EPHX2: variants seen among roughly 807,000 people sequenced by gnomAD.
The protein encoded by EPHX2 is bifunctional epoxide hydrolase 2.
EPHX2 carries 74 observed loss-of-function variants against 78.7 expected under a neutral mutation model. The observed-to-expected ratio is 0.94, with a 90% CI of 0.78 to 1.14. EPHX2 has a LOEUF of 1.14. Ranked by LOEUF, EPHX2 falls within the 50% of genes most tolerant of loss-of-function variation. The pLI is 0.00. For missense variants in EPHX2, 715 were observed against 702.5 expected (o/e 1.02, Z -0.20); for synonymous variants, 251 against 255.2 (o/e 0.98, Z 0.16).
chr8:27,525,438 C>T lies in EPHX2; in HGVS notation c.1135C>T (p.Pro379Ser). Residue 379 changes from proline (P) to serine (S), a missense_variant, in exon 12 of 19, where the codon CCA becomes TCA. Coordinates refer to ENST00000521400, the MANE Select transcript of EPHX2 (RefSeq NM_001979.6). ...MSPLESIKAN[P>S]VFDYQLYFQE... Reference sequence around the variant, plus strand: ...CCCTTTGGAGAGTATCAAAGCCAACCCAGTATTTGATTACCAGCTCTACTT... The same window carrying T: ...CCCTTTGGAGAGTATCAAAGCCAACTCAGTATTTGATTACCAGCTCTACTT... 3 of 1,614,098 alleles carry T rather than the reference C, an allele frequency of 1.9e-6. No individual in the cohort carries two copies. The highest frequency in any genetic ancestry group is 2.5e-6 in the Non-Finnish European group (3 of 1,180,006).
intron 12 of EPHX2, among the ~76,000 whole-genome samples, chr8:27,535,962 A>G (rs963874727): frequency 2.0e-5 from 3 of 152,190 alleles, no homozygotes; most frequent in African/African-American, 7.2e-5. Flanking sequence ...TTTGCCAGAG[A>G]AGGAGCTCAG....
chr8:27,511,723 G>A, intron 5 of EPHX2, 113 bp from the exon 6 acceptor site: 1 of 1,091,358 alleles, frequency 9.2e-7, no homozygotes, highest in Non-Finnish European at 1.4e-6. Context: ...GGAGGGCTCA[G>A]GATGGAGTGG....
chr8:27,491,205 C>A lies in EPHX2; in HGVS notation c.-4C>A. 2 of 1,577,962 alleles carry A rather than the reference C, an allele frequency of 1.3e-6. No homozygotes were observed. The highest frequency in any genetic ancestry group is 1.7e-6 in the Non-Finnish European group (2 of 1,170,782). On this transcript the variant is annotated 5_prime_UTR_variant, in exon 1 of 19. Coordinates refer to ENST00000521400, the MANE Select transcript of EPHX2 (RefSeq NM_001979.6). ...TCCGGGTGCTAGGCTGCAGACCCGC[C>A]GCCATGACGCTGCGCGCGGCCGTCT...
chr8:27,494,810 C>T (rs1177702861), intron 1 of EPHX2, among the ~76,000 whole-genome samples: 2 of 152,204 alleles, frequency 1.3e-5, no homozygotes, highest in South Asian at 2.1e-4. Flanking sequence ...AAGTATTTTC[C>T]ACTGGCTGGC....
chr8:27,508,647 G>T (rs953009529), intron 5 of EPHX2, among the ~76,000 whole-genome samples: 3 of 152,176 alleles, frequency 2.0e-5, no homozygotes, highest in African/African-American at 4.8e-5. Context: ...ACTTCTCTTT[G>T]TCTCAGGGGT....
At chr8:27,504,564 C>T (rs921213681) in intron 3 of EPHX2, among the ~76,000 whole-genome samples, 2 of 152,204 alleles carry the variant, frequency 1.3e-5, no homozygotes, top group Non-Finnish European at 2.9e-5. Flanking sequence ...CCATGTGGCT[C>T]TGGGCAGCTC....
At chr8:27,521,674 G>T (rs1358818533) in intron 10 of EPHX2, among the ~76,000 whole-genome samples, 1 of 152,216 alleles carries the variant, frequency 6.6e-6, no homozygotes, top group Non-Finnish European at 1.5e-5. Context: ...GAACTTTTGT[G>T]TGTGATGGGG....
At chr8:27,505,173 G>A (rs1416223295) in intron 4 of EPHX2, 27 bp downstream of exon 4, 2 of 1,610,320 alleles carry the variant, frequency 1.2e-6, no homozygotes, top group East Asian at 2.2e-5. Flanking sequence ...TTATGGCAGA[G>A]AAGGATGTTC....
chr8:27,515,978 A>G (rs1814435504), intron 7 of EPHX2, among the ~76,000 whole-genome samples, 165 bp downstream of exon 7: 1 of 152,190 alleles, frequency 6.6e-6, no homozygotes, highest in South Asian at 2.1e-4. Flanking sequence ...CCTCAGGGCT[A>G]TGTTAGGCCA....
chr8:27,545,694 GC>G (rs1286369619), downstream of EPHX2: 1 of 152,236 alleles, frequency 6.6e-6, no homozygotes, highest in East Asian at 1.9e-4. Flanking sequence ...CTTTCTGCCT[GC>G]CCCCCTTGCA....
Position 27,543,794 on chromosome 8 carries a change from C to T in EPHX2, c.1495C>T (p.Leu499Phe). The T allele has an allele frequency of 6.2e-7, 1 of 1,614,144 alleles. No homozygotes were observed. Among genetic ancestry groups the T allele is most frequent in the Non-Finnish European group, 8.5e-7 (1 of 1,180,030 alleles). ...GGTCACGGCGGAGAAGGACTTCGTG[C>T]TCGTTCCTCAGATGTCCCAGCACAT... is the stretch of plus-strand genomic sequence containing the variant. Reference protein sequence around the residue: ...LMVTAEKDFVLVPQMSQHMED... With the variant: ...LMVTAEKDFVFVPQMSQHMED... Residue 499 changes from leucine (L) to phenylalanine (F), a missense_variant, in exon 17 of 19, where the codon CTC becomes TTC. By Grantham distance (22) the Leu-to-Phe change is conservative. Transcript: ENST00000521400.
At chr8:27,529,946 A>G (rs1814977355) in intron 12 of EPHX2, among the ~76,000 whole-genome samples, 1 of 152,112 alleles carries the variant, frequency 6.6e-6, no homozygotes, top group African/African-American at 2.4e-5. Context: ...TTTAACCAGA[A>G]GAGAAACTAA....
chr8:27,526,970 G>A (rs868011581), intron 12 of EPHX2, among the ~76,000 whole-genome samples: 5 of 151,898 alleles, frequency 3.3e-5, no homozygotes, highest in African/African-American at 4.8e-5. Context: ...AGGCGGAGTC[G>A]CCCTCTGTTG....
At position 27,491,188 on chromosome 8, in the gene EPHX2, C is replaced by G. The variant is rs1472331651; in HGVS notation, c.-21C>G. 2 of 1,562,974 alleles carry G rather than the reference C, an allele frequency of 1.3e-6. No homozygotes were observed. The highest frequency in any genetic ancestry group is 1.4e-5 in the African/African-American group (1 of 73,126). Reference sequence around the variant, plus strand: ...CCCAGGTTAGCTGCGTGTCCGGGTGCTAGGCTGCAGACCCGCCGCCATGAC... The same window carrying G: ...CCCAGGTTAGCTGCGTGTCCGGGTGGTAGGCTGCAGACCCGCCGCCATGAC... On this transcript the variant is annotated 5_prime_UTR_variant, in exon 1 of 19. Transcript: ENST00000521400.
chr8:27,536,681 TG>T, intron 12 of EPHX2, 102 bp from the exon 13 acceptor site: 1 of 1,155,184 alleles, frequency 8.7e-7, no homozygotes, highest in South Asian at 1.3e-5. Flanking sequence ...TTGGGCTGGA[TG>T]GGGCACAGGT....
At position 27,545,245 on chromosome 8, in the gene EPHX2, T is replaced by A. The variant is rs1815549236; in HGVS notation, c.*723T>A. 6.6e-6 allele frequency: 1 copy of A among 152,242 alleles called. No homozygotes were observed. The highest frequency in any genetic ancestry group is 1.5e-5 in the Non-Finnish European group (1 of 68,082). 9.4% of individuals were successfully genotyped at this position (152,242 alleles called of 1,614,324 possible). ...AAGAGAATTTTAAATTTCATTGAAT[T>A]GTAATCAGTTTAAAGTTAAATAGCA... On this transcript the variant is annotated 3_prime_UTR_variant, in exon 19 of 19. Coordinates refer to ENST00000521400, the MANE Select transcript of EPHX2 (RefSeq NM_001979.6).
At chr8:27,507,321 A>T (rs533332084) in intron 5 of EPHX2, among the ~76,000 whole-genome samples, 74 of 152,286 alleles carry the variant, frequency 4.9e-4, no homozygotes, top group African/African-American at 1.6e-3. Context: ...TACCCTAAGG[A>T]TCAGGGCCCC....
In EPHX2 at chr8:27,525,138, G is replaced by A. The variant is rs961216331; in HGVS notation, c.1059-224G>A. Among the ~76,000 whole-genome samples, 5 of 150,574 alleles carry A rather than the reference G, an allele frequency of 3.3e-5. No homozygotes were observed. In the South Asian group the frequency reaches 1.1e-3, roughly 32 times the overall value. On this transcript the variant is annotated intron_variant, in intron 11 of 18. Coordinates refer to ENST00000521400, the MANE Select transcript of EPHX2 (RefSeq NM_001979.6). ...CGCGCGCGCGCACCTATGTGTCTAA[G>A]GCAAGTTGGTGAGAAATACTGCAGT... is the stretch of plus-strand genomic sequence containing the variant.
chr8:27,522,522 G>A lies in EPHX2; in HGVS notation c.1058+14G>A, dbSNP rs72475888. On this transcript the variant is annotated intron_variant, in intron 11 of 18. Transcript: ENST00000521400. Reference sequence around the variant, plus strand: ...CGAGAGAGTGAGGTAATTGGGCCTCGGGCAATAAAGATTTGGAGGAGGCTG... The same window carrying A: ...CGAGAGAGTGAGGTAATTGGGCCTCAGGCAATAAAGATTTGGAGGAGGCTG... The A allele has an allele frequency of 1.7e-5, 28 of 1,612,324 alleles. No individual in the cohort carries two copies. The African/African-American group carries it at 1.9e-4, about 11-fold the overall frequency.
Sources: allele counts gnomAD v4.1 joint callset (sites outside exome capture counted in the v4.1 genomes callset), GRCh38; gene constraint gnomAD v4.1.1; transcripts MANE v1.5; gene names NCBI Gene and HGNC (gene_info 2026-07-23, HGNC 2026-07-21).